Variants in TMEM132D observed in about 807,000 individuals in gnomAD.
The protein encoded by TMEM132D is mature OL transmembrane protein.
Under a neutral mutation model 62.3 loss-of-function variants are expected in TMEM132D, and 21 were observed. The ratio of observed to expected loss-of-function variants is 0.34; its 90% CI spans 0.24 to 0.49. The LOEUF (loss-of-function observed/expected upper bound fraction) is 0.49, where lower values mean the gene tolerates loss of function less well. TMEM132D is among the 20% of genes least tolerant of loss of function. The probability of loss-of-function intolerance (pLI) is 0.99; values close to 1 mark genes in which losing one functional copy is unlikely to be tolerated. For missense variants in TMEM132D, 1,346 were observed against 1,402.8 expected (o/e 0.96, Z 0.65); for synonymous variants, 621 against 575.6 (o/e 1.08, Z -1.13).
chr12:129,354,781 G>T (rs1410213859), intron 3 of TMEM132D, among the ~76,000 whole-genome samples: 5 of 152,084 alleles, frequency 3.3e-5, no homozygotes, highest in Non-Finnish European at 5.9e-5. Flanking sequence ...TTTGTCCAGG[G>T]TTACCCAGCT....
intron 3 of TMEM132D, among the ~76,000 whole-genome samples, chr12:129,411,836 C>A (rs938661489): frequency 7.2e-5 from 11 of 152,166 alleles, no homozygotes; most frequent in Non-Finnish European, 1.3e-4. Flanking sequence ...TCACTTCTTC[C>A]CTAATGTTCT....
intron 2 of TMEM132D, among the ~76,000 whole-genome samples, chr12:129,585,891 C>T (rs1447839046): frequency 2.0e-5 from 3 of 150,022 alleles, no homozygotes; most frequent in African/African-American, 7.4e-5. Flanking sequence ...AATAATTTTG[C>T]AAGAGGAAAG....
chr12:129,846,652 A>G (rs1168238006), intron 1 of TMEM132D, among the ~76,000 whole-genome samples: 1 of 152,084 alleles, frequency 6.6e-6, no homozygotes, highest in Non-Finnish European at 1.5e-5. Context: ...AGCTTTGGAA[A>G]ATTCTCTGTT....
chr12:129,821,660 C>T (rs941781756), intron 1 of TMEM132D, among the ~76,000 whole-genome samples: 7 of 151,232 alleles, frequency 4.6e-5, no homozygotes, highest in Admixed American at 3.3e-4. Flanking sequence ...AAACGTGCAG[C>T]GGAACTCACA....
In TMEM132D at chr12:129,398,599, T is replaced by A. The variant is rs184919825; in HGVS notation, c.1116-60782A>T. Among the ~76,000 whole-genome samples, 160 of 152,318 alleles carry A rather than the reference T, an allele frequency of 1.1e-3. 1 individual carries two copies. Among genetic ancestry groups the A allele is most frequent in the Non-Finnish European group, 1.3e-3 (90 of 68,020 alleles). On this transcript the variant is annotated intron_variant, in intron 3 of 8. Coordinates refer to ENST00000422113, the MANE Select transcript of TMEM132D (RefSeq NM_133448.3). Reference sequence around the variant, plus strand: ...AAAGGAGGAGGGGGTTGGCTATGCATGATGAGGATCACATCTTCACCTTAG... The same window carrying A: ...AAAGGAGGAGGGGGTTGGCTATGCAAGATGAGGATCACATCTTCACCTTAG...
chr12:129,368,391 T>C (rs532276019), intron 3 of TMEM132D, among the ~76,000 whole-genome samples: 1 of 152,234 alleles, frequency 6.6e-6, no homozygotes, highest in Admixed American at 6.5e-5. Flanking sequence ...TTTGAGCTTA[T>C]AAACTGTGTC....
chr12:129,178,869 G>A (rs1277119123), intron 5 of TMEM132D, among the ~76,000 whole-genome samples: 1 of 152,172 alleles, frequency 6.6e-6, no homozygotes, highest in Admixed American at 6.5e-5. Context: ...GCTGCTGTGG[G>A]TCAAAGGAAC....
At chr12:129,823,896 TTGGGG>T (rs1237031688) in intron 1 of TMEM132D, among the ~76,000 whole-genome samples, 1 of 152,210 alleles carries the variant, frequency 6.6e-6, no homozygotes, top group East Asian at 1.9e-4. Context: ...TGGTTTTAAA[TTGGGG>T]GCCTGATTTA....
intron 4 of TMEM132D, among the ~76,000 whole-genome samples, chr12:129,300,404 G>T (rs556408019): frequency 6.6e-6 from 1 of 152,212 alleles, no homozygotes; most frequent in Non-Finnish European, 1.5e-5. Context: ...GAAATGTGAC[G>T]ATGAATATCA....
chr12:129,089,496 GGGTGTCCTCTATGACC>G (rs1565960549), intron 5 of TMEM132D, among the ~76,000 whole-genome samples: 4 of 16,078 alleles, frequency 2.5e-4, no homozygotes, highest in African/African-American at 2.1e-3. Context: ...CTCCATGACC[GGGTGTCCTCTATGACC>G]GGGTGTCCTC....
Position 129,350,593 on chromosome 12 carries a change from C to G in TMEM132D, c.1116-12776G>C, listed in dbSNP as rs971382555. Among the ~76,000 whole-genome samples, 3 of 152,294 alleles carry G rather than the reference C, an allele frequency of 2.0e-5. No homozygotes were observed. The East Asian group carries it at 5.8e-4, about 29-fold the overall frequency. On this transcript the variant is annotated intron_variant, in intron 3 of 8. Transcript: ENST00000422113. ...TCTACTTTTGGGTATAAGTTGGAATCAGGCAGAGAGTGACTTATTTACTGA... is the reference window on the plus strand; with the variant it reads ...TCTACTTTTGGGTATAAGTTGGAATGAGGCAGAGAGTGACTTATTTACTGA...
chr12:129,082,702 G>C (rs568917984), intron 6 of TMEM132D, among the ~76,000 whole-genome samples: 6 of 152,144 alleles, frequency 3.9e-5, no homozygotes, highest in East Asian at 1.9e-4. Context: ...CTGGATTCCA[G>C]ATCCACAGAA....
intron 1 of TMEM132D, among the ~76,000 whole-genome samples, chr12:129,741,794 T>G (rs1472553378): frequency 6.6e-6 from 1 of 152,216 alleles, no homozygotes; most frequent in Non-Finnish European, 1.5e-5. Context: ...CTTAAGTAGC[T>G]TATTTACAAA....
chr12:129,386,814 C>A (rs1871117959), intron 3 of TMEM132D, among the ~76,000 whole-genome samples: 1 of 151,756 alleles, frequency 6.6e-6, no homozygotes, highest in Non-Finnish European at 1.5e-5. Flanking sequence ...ACACGAACAC[C>A]AATGCCGATG....
At chr12:129,465,477 T>C (rs1489905714) in intron 3 of TMEM132D, among the ~76,000 whole-genome samples, 1 of 152,020 alleles carries the variant, frequency 6.6e-6, no homozygotes, top group Non-Finnish European at 1.5e-5. Flanking sequence ...AAATAAAGGG[T>C]ATTCAATTAG....
intron 4 of TMEM132D, among the ~76,000 whole-genome samples, chr12:129,314,703 C>CATTGAA (rs1868427170): frequency 2.6e-5 from 4 of 152,228 alleles, no homozygotes; most frequent in Admixed American, 1.3e-4. Context: ...TTGTAGATTG[C>CATTGAA]TTTTGGCAGT....
At chr12:129,436,072 T>G (rs1872778403) in intron 3 of TMEM132D, among the ~76,000 whole-genome samples, 1 of 152,156 alleles carries the variant, frequency 6.6e-6, no homozygotes, top group African/African-American at 2.4e-5. Flanking sequence ...TTTCTTCCTG[T>G]CTGAAGTGCA....
At chr12:129,363,513 GAT>G (rs1246925471) in intron 3 of TMEM132D, among the ~76,000 whole-genome samples, 1 of 152,184 alleles carries the variant, frequency 6.6e-6, no homozygotes, top group Non-Finnish European at 1.5e-5. Flanking sequence ...ACTCCCATCT[GAT>G]ATGACAAATG....
chr12:129,733,793 A>T (rs1869331054), intron 1 of TMEM132D, among the ~76,000 whole-genome samples: 1 of 152,180 alleles, frequency 6.6e-6, no homozygotes, highest in South Asian at 2.1e-4. Flanking sequence ...GTCGCTGGGC[A>T]GGTGATGAGG....
Sources: allele counts gnomAD v4.1 joint callset (sites outside exome capture counted in the v4.1 genomes callset), GRCh38; gene constraint gnomAD v4.1.1; transcripts MANE v1.5; gene names NCBI Gene and HGNC (gene_info 2026-07-23, HGNC 2026-07-21).